Variants in ITPK1 observed in about 807,000 individuals in gnomAD.
ITPK1 encodes the protein inositol 1,3,4-trisphosphate 5/6-kinase.
ITPK1 carries 21 observed loss-of-function variants against 45.3 expected under a neutral mutation model. The ratio of observed to expected loss-of-function variants is 0.46; its 90% CI spans 0.33 to 0.67. The LOEUF (loss-of-function observed/expected upper bound fraction) is 0.67. Ranked by LOEUF, ITPK1 falls within the 30% of genes least tolerant of loss-of-function variation. ITPK1 has a pLI of 0.02. For missense variants in ITPK1, 474 were observed against 573.5 expected (o/e 0.83, Z 1.77); for synonymous variants, 258 against 253.6 (o/e 1.02, Z -0.16).
intron 10 of ITPK1, 21 bp from the exon 11 acceptor site, chr14:92,941,925 G>A (rs1887444652): frequency 1.2e-6 from 2 of 1,604,086 alleles, no homozygotes; most frequent in Non-Finnish European, 1.7e-6. Flanking sequence ...GAGAGAGACA[G>A]CACAAGGGGC....
intron 2 of ITPK1, among the ~76,000 whole-genome samples, chr14:93,084,200 G>A (rs1378504952): frequency 2.6e-5 from 4 of 152,238 alleles, no homozygotes; most frequent in Admixed American, 6.5e-5. Flanking sequence ...TGGAAACAAC[G>A]CGGGCTGAGT....
chr14:93,066,227 C>A, intron 3 of ITPK1: 1 of 455,916 alleles, frequency 2.2e-6, no homozygotes, highest in Non-Finnish European at 4.4e-6. Flanking sequence ...ACGTGCTCCT[C>A]AGAGACCAGC....
At chr14:93,062,629 C>G (rs990651653) in intron 3 of ITPK1, among the ~76,000 whole-genome samples, 2 of 152,078 alleles carry the variant, frequency 1.3e-5, no homozygotes, top group African/African-American at 4.8e-5. Context: ...ACTTTCAAAC[C>G]TGCTTCTGGA....
chr14:92,946,551 C>G, intron 9 of ITPK1, 58 bp from the exon 10 acceptor site: 1 of 1,526,970 alleles, frequency 6.5e-7, no homozygotes, highest in Non-Finnish European at 9.0e-7. Flanking sequence ...AGCCACACCA[C>G]ACAGACAGAC....
At chr14:93,041,479 A>G (rs1198837649) in intron 3 of ITPK1, among the ~76,000 whole-genome samples, 2 of 152,188 alleles carry the variant, frequency 1.3e-5, no homozygotes, top group Non-Finnish European at 2.9e-5. Flanking sequence ...GGACCTCACT[A>G]AAAGGCCACT....
chr14:92,972,160 C>A (rs183961740), intron 5 of ITPK1, among the ~76,000 whole-genome samples: 1 of 152,218 alleles, frequency 6.6e-6, no homozygotes, highest in Non-Finnish European at 1.5e-5. Context: ...CCATGCCCCG[C>A]GAGTGAAGCC....
chr14:92,953,306 C>T (rs1409343442), intron 8 of ITPK1, among the ~76,000 whole-genome samples: 1 of 152,240 alleles, frequency 6.6e-6, no homozygotes. Flanking sequence ...GCCCGACAGT[C>T]CTCCTGCTGC....
At position 92,938,731 on chromosome 14, in the gene ITPK1, C is replaced by G. The variant is rs2139683015; in HGVS notation, c.*2830G>C. Reference sequence around the variant, plus strand: ...CACCTCCATGACACCAAGGGCAAAGCACCAGTTCCAGGGTGGCCTCCCCTT... The same window carrying G: ...CACCTCCATGACACCAAGGGCAAAGGACCAGTTCCAGGGTGGCCTCCCCTT... On this transcript the variant is annotated 3_prime_UTR_variant, in exon 11 of 11. Transcript: ENST00000267615. 1.7e-6 allele frequency: 1 copy of G among 601,368 alleles called. No homozygotes were observed. The highest frequency in any genetic ancestry group is 3.0e-6 in the Non-Finnish European group (1 of 337,538). The allele number at this position is 601,368 out of a possible 1,614,324, so 37.3% of individuals were successfully genotyped here.
chr14:92,989,121 A>C (rs1886649915), intron 5 of ITPK1, among the ~76,000 whole-genome samples: 1 of 152,192 alleles, frequency 6.6e-6, no homozygotes, highest in Non-Finnish European at 1.5e-5. Context: ...TTATTTCTCC[A>C]GGCTCTAAGG....
chr14:92,984,251 C>T (rs1450160364), intron 5 of ITPK1, among the ~76,000 whole-genome samples: 1 of 152,186 alleles, frequency 6.6e-6, no homozygotes, highest in Non-Finnish European at 1.5e-5. Context: ...AAGAACAGAC[C>T]TGTGCAGGGC....
intron 3 of ITPK1, among the ~76,000 whole-genome samples, chr14:93,055,897 G>A (rs973202449): frequency 2.0e-5 from 3 of 152,206 alleles, no homozygotes; most frequent in Non-Finnish European, 4.4e-5. Context: ...GCGCTGGCTG[G>A]GGTCTGAGCA....
At chr14:93,044,551 G>A (rs746133971) in intron 3 of ITPK1, among the ~76,000 whole-genome samples, 7 of 152,224 alleles carry the variant, frequency 4.6e-5, no homozygotes, top group African/African-American at 1.2e-4. Context: ...CGAGGGCCAC[G>A]GATGAGCCAC....
intron 2 of ITPK1, among the ~76,000 whole-genome samples, chr14:93,113,600 T>G (rs144082757): frequency 1.3e-5 from 2 of 152,342 alleles, no homozygotes; most frequent in African/African-American, 4.8e-5. Flanking sequence ...TAGAATGCCC[T>G]TCCCACAAGT....
At position 92,994,074 on chromosome 14, in the gene ITPK1, G is replaced by A. The variant is rs150100497; in HGVS notation, c.247-77C>T. 99 of 886,586 alleles carry A rather than the reference G, an allele frequency of 1.1e-4. No individual in the cohort carries two copies. The African/African-American group carries it at 1.2e-3, about 11-fold the overall frequency. The allele number at this position is 886,586 out of a possible 1,614,324, so 54.9% of individuals were successfully genotyped here. On this transcript the variant is annotated intron_variant, in intron 4 of 10. Coordinates refer to ENST00000267615, the MANE Select transcript of ITPK1 (RefSeq NM_014216.6). Reference sequence around the variant, plus strand: ...AACTCACCCCTCGCGCCCTCTGCACGTCCATCCGTTCCTGTCCTATCCTCC... The same window carrying A: ...AACTCACCCCTCGCGCCCTCTGCACATCCATCCGTTCCTGTCCTATCCTCC...
Position 92,938,377 on chromosome 14 carries a change from G to A in ITPK1, c.*3184C>T. The A allele has an allele frequency of 1.2e-6, 1 of 864,264 alleles. No individual in the cohort carries two copies. The highest frequency in any genetic ancestry group is 2.0e-6 in the Non-Finnish European group (1 of 508,714). 53.5% of individuals were successfully genotyped at this position (864,264 alleles called of 1,614,324 possible). A position where few individuals can be genotyped will look rare whatever the true frequency, so the allele number is the denominator to read the frequency against. ...CCAAGAGCCAAGAACTGGTCTTCCA[G>A]GCTAGAAGGACAAACGACAGGCTGG... On this transcript the variant is annotated 3_prime_UTR_variant, in exon 11 of 11. Coordinates refer to ENST00000267615, the MANE Select transcript of ITPK1 (RefSeq NM_014216.6).
chr14:93,101,877 T>C (rs1892335398), intron 2 of ITPK1, among the ~76,000 whole-genome samples: 2 of 152,134 alleles, frequency 1.3e-5, no homozygotes, highest in African/African-American at 4.8e-5. Context: ...GAAAGTCACT[T>C]ACCCTCTCTG....
chr14:93,091,647 C>A (rs950742859), intron 2 of ITPK1, among the ~76,000 whole-genome samples: 1 of 152,142 alleles, frequency 6.6e-6, no homozygotes, highest in Non-Finnish European at 1.5e-5. Flanking sequence ...CAGGACACTG[C>A]CAGAGGGTGG....
chr14:92,980,071 A>G, intron 5 of ITPK1, among the ~76,000 whole-genome samples: 1 of 152,160 alleles, frequency 6.6e-6, no homozygotes, highest in Non-Finnish European at 1.5e-5. Flanking sequence ...GTGAGCCACC[A>G]TGACAGGCCT....
chr14:92,971,823 AGGGGCATTC>A (rs1468698993), intron 5 of ITPK1, among the ~76,000 whole-genome samples: 8 of 152,210 alleles, frequency 5.3e-5, no homozygotes, highest in Admixed American at 2.0e-4. Context: ...CACGCCCATG[AGGGGCATTC>A]GGAATGACTG....
Sources: allele counts gnomAD v4.1 joint callset (sites outside exome capture counted in the v4.1 genomes callset), GRCh38; gene constraint gnomAD v4.1.1; transcripts MANE v1.5; gene names NCBI Gene and HGNC (gene_info 2026-07-23, HGNC 2026-07-21).